The following ADA variants were observed in gnomAD, a reference collection of about 807,000 sequenced individuals.
The protein encoded by ADA is adenosine aminohydrolase.
ADA carries 45 observed loss-of-function variants against 49.0 expected under a neutral mutation model. The ratio of observed to expected loss-of-function variants is 0.92; its 90% confidence interval spans 0.72 to 1.18. ADA has a LOEUF of 1.18. Among genes scored for constraint, ADA ranks in the 50% most tolerant of loss-of-function variants. ADA has a pLI of 0.00. For missense variants in ADA, 445 were observed against 472.5 expected (o/e 0.94, Z 0.54); for synonymous variants, 173 against 184.2 (o/e 0.94, Z 0.49).
chr20:44,638,616 G>A (rs1311406146), intron 1 of ADA, among the ~76,000 whole-genome samples: 1 of 152,136 alleles, frequency 6.6e-6, no homozygotes, highest in Non-Finnish European at 1.5e-5. Context: ...GTCAACGAAG[G>A]CCTGCGCTCC....
intron 2 of ADA, among the ~76,000 whole-genome samples, chr20:44,629,487 T>A (rs2065414119): frequency 6.6e-6 from 1 of 152,200 alleles, no homozygotes; most frequent in African/African-American, 2.4e-5. Flanking sequence ...GGTTGACTGA[T>A]GCTTGGAGAC....
chr20:44,644,122 GAGCCT>G (rs2065565235), intron 1 of ADA, among the ~76,000 whole-genome samples: 1 of 145,224 alleles, frequency 6.9e-6, no homozygotes, highest in South Asian at 2.4e-4. Flanking sequence ...TCTCCCTGGT[GAGCCT>G]TGGGGACAAC....
At chr20:44,620,664 A>T (rs1265747816) in intron 10 of ADA, 3 of 580,608 alleles carry the variant, frequency 5.2e-6, no homozygotes, top group Non-Finnish European at 9.2e-6. Flanking sequence ...GGGGCCAGAG[A>T]CACCTCGCAG....
At chr20:44,620,654 G>C in intron 10 of ADA, 3 of 588,304 alleles carry the variant, frequency 5.1e-6, no homozygotes, top group Non-Finnish European at 9.1e-6. Context: ...TGGCATGTAG[G>C]GGGCCAGAGA....
chr20:44,634,715 C>T (rs447833), intron 2 of ADA, among the ~76,000 whole-genome samples: 96,162 of 152,122 alleles, frequency 0.63, 31,301 homozygotes, highest in Non-Finnish European at 0.71. Flanking sequence ...CCTGGAAGTG[C>T]GAAAAGATGG....
At chr20:44,637,407 CAGT>C (rs1202336852) in intron 1 of ADA, among the ~76,000 whole-genome samples, 7 of 152,218 alleles carry the variant, frequency 4.6e-5, no homozygotes, top group African/African-American at 1.7e-4. Context: ...CCCTGCCGCT[CAGT>C]CAGGGTGTTT....
chr20:44,634,016 C>T (rs1382075721), intron 2 of ADA, among the ~76,000 whole-genome samples: 1 of 152,272 alleles, frequency 6.6e-6, no homozygotes, highest in Non-Finnish European at 1.5e-5. Flanking sequence ...CTCCAGCTGG[C>T]ACCTGCCGCA....
intron 1 of ADA, among the ~76,000 whole-genome samples, chr20:44,638,740 A>G (rs773091575): frequency 1.7e-4 from 26 of 152,360 alleles, no homozygotes; most frequent in Admixed American, 2.6e-4. Flanking sequence ...GAAAATGTAC[A>G]GTCACAAACC....
chr20:44,642,175 C>T (rs971898123), intron 1 of ADA, among the ~76,000 whole-genome samples: 1 of 152,174 alleles, frequency 6.6e-6, no homozygotes, highest in Admixed American at 6.5e-5. Flanking sequence ...CTGCCTGGGG[C>T]CCTGAGTGAT....
At chr20:44,627,691 A>G (rs2065395825) in intron 3 of ADA, among the ~76,000 whole-genome samples, 1 of 152,258 alleles carries the variant, frequency 6.6e-6, no homozygotes, top group African/African-American at 2.4e-5. Context: ...AGGACAGAGT[A>G]GCCCAATATT....
At chr20:44,651,351 C>A (rs1395437078) in intron 1 of ADA, among the ~76,000 whole-genome samples, 1 of 152,244 alleles carries the variant, frequency 6.6e-6, no homozygotes, top group Non-Finnish European at 1.5e-5. Context: ...GGGGTCAAGT[C>A]AGGGGCAGAA....
At chr20:44,638,514 C>T (rs1388908944) in intron 1 of ADA, among the ~76,000 whole-genome samples, 3 of 152,126 alleles carry the variant, frequency 2.0e-5, no homozygotes, top group African/African-American at 7.2e-5. Flanking sequence ...GAGGCAGAGG[C>T]TGCAGTGAGC....
intron 9 of ADA, among the ~76,000 whole-genome samples, chr20:44,621,965 C>A (rs1012122782): frequency 2.0e-5 from 3 of 152,206 alleles, no homozygotes; most frequent in African/African-American, 7.2e-5. Context: ...CGAAGCCCCT[C>A]CCCTTCTCAT....
intron 1 of ADA, among the ~76,000 whole-genome samples, chr20:44,643,651 C>T (rs540334504): frequency 6.6e-6 from 1 of 152,304 alleles, no homozygotes; most frequent in Admixed American, 6.5e-5. Context: ...ACAGGCCACA[C>T]CCCCTCCCTG....
At chr20:44,641,772 G>GTT (rs531940059) in intron 1 of ADA, among the ~76,000 whole-genome samples, 24 of 143,424 alleles carry the variant, frequency 1.7e-4, no homozygotes, top group Middle Eastern at 6.9e-3. Flanking sequence ...TGTTGTTGTT[G>GTT]TTTTTTTTTT....
chr20:44,641,235 T>C (rs1199410363), intron 1 of ADA, among the ~76,000 whole-genome samples: 1 of 151,980 alleles, frequency 6.6e-6, no homozygotes, highest in Non-Finnish European at 1.5e-5. Context: ...CCATCTGAGG[T>C]CAATTAAAGA....
intron 6 of ADA, among the ~76,000 whole-genome samples, chr20:44,623,622 A>T (rs551424106): frequency 6.7e-6 from 1 of 150,272 alleles, no homozygotes; most frequent in Non-Finnish European, 1.5e-5. Flanking sequence ...CAGGACTCCC[A>T]ACACCAAGTG....
At chr20:44,645,860 G>A (rs2065586499) in intron 1 of ADA, among the ~76,000 whole-genome samples, 1 of 152,158 alleles carries the variant, frequency 6.6e-6, no homozygotes, top group Non-Finnish European at 1.5e-5. Flanking sequence ...CCCAGCTGGT[G>A]TCCAAGTTCA....
chr20:44,631,904 C>G (rs1281621989), intron 2 of ADA, among the ~76,000 whole-genome samples: 1 of 152,214 alleles, frequency 6.6e-6, no homozygotes, highest in Non-Finnish European at 1.5e-5. Flanking sequence ...CCTTTCCCCT[C>G]CCTCTAGATC....
Sources: allele counts gnomAD v4.1 joint callset (sites outside exome capture counted in the v4.1 genomes callset), GRCh38; gene constraint gnomAD v4.1.1; transcripts MANE v1.5; gene names NCBI Gene and HGNC (gene_info 2026-07-23, HGNC 2026-07-21).